The following EXOC3L2 variants were observed in gnomAD, a reference collection of about 807,000 sequenced individuals.
The protein encoded by EXOC3L2 is exocyst complex component 3 like 2, also known as exocyst complex component 3-like protein 2.
A neutral mutation model predicts 44.4 loss-of-function variants in EXOC3L2; 17 were observed. That is an observed-to-expected ratio of 0.38 (90% CI 0.26 to 0.57). EXOC3L2 has a LOEUF of 0.57. Ranked by LOEUF, EXOC3L2 falls within the 20% of genes least tolerant of loss-of-function variation. EXOC3L2 has a pLI of 0.65. For synonymous variants in EXOC3L2, 256 were observed against 253.7 expected, an observed-to-expected ratio of 1.01 and a Z score of -0.09; for missense variants, 541 against 588.4, an observed-to-expected ratio of 0.92 and a Z score of 0.83.
At chr19:45,216,617 T>C (rs1449357771) in intron 10 of EXOC3L2, 1 of 154,096 alleles carries the variant, frequency 6.5e-6, no homozygotes, top group Non-Finnish European at 1.4e-5. Flanking sequence ...AAATAAAATG[T>C]AGCAGAAGAC....
At chr19:45,235,708 A>G (rs1043283932) in intron 2 of EXOC3L2, among the ~76,000 whole-genome samples, 54 of 152,266 alleles carry the variant, frequency 3.5e-4, no homozygotes, top group Middle Eastern at 3.4e-3. Flanking sequence ...TTTCCTGGCC[A>G]GCGCTATTTC....
At chr19:45,213,431 C>T in intron 11 of EXOC3L2, 74 bp from the exon 12 acceptor site, 2 of 1,556,718 alleles carry the variant, frequency 1.3e-6, no homozygotes, top group Non-Finnish European at 1.7e-6. Flanking sequence ...CCGTGGACCC[C>T]ACCTGACCCC....
intron 9 of EXOC3L2, 86 bp downstream of exon 9, chr19:45,218,111 C>A: frequency 7.1e-7 from 1 of 1,409,230 alleles, no homozygotes; most frequent in South Asian, 1.5e-5. Flanking sequence ...CCCAACCTCC[C>A]AATCTCCCCT....
At chr19:45,231,621 G>GATAGA in intron 4 of EXOC3L2, 142 bp downstream of exon 4, 1 of 646,508 alleles carries the variant, frequency 1.5e-6, no homozygotes, top group Admixed American at 2.9e-5. Flanking sequence ...TGTGTCTATG[G>GATAGA]CACATGGATA....
chr19:45,228,167 C>G lies in EXOC3L2; in HGVS notation c.1369G>C (p.Glu457Gln), dbSNP rs1326024340. ...CCCAGCCTCCCTCCACCTCCTACCT[C>G]ACACACATCCTGGGCCAGGCTGCTG... is the stretch of plus-strand genomic sequence containing the variant. ...QPSSLAQDVC[E>Q]LLEEHTERAP... Residue 457 changes from glutamate to glutamine, a missense_variant and splice_region_variant, in exon 5 of 12, where the codon GAG becomes CAG. Glu to Gln is a conservative substitution (Grantham distance 29). Transcript: ENST00000413988. The G allele has an allele frequency of 6.2e-7, 1 of 1,614,114 alleles. No homozygotes were observed. Among genetic ancestry groups the G allele is most frequent in the African/African-American group, 1.3e-5 (1 of 75,036 alleles).
chr19:45,242,614 C>A lies in EXOC3L2; in HGVS notation c.-17+2727G>T, dbSNP rs143931672. Reference sequence around the variant, plus strand: ...CAGTGGCTCACGCCTATAATCCCAGCACTTTGGGAGGCCGAGGAGGGAGGA... The same window carrying A: ...CAGTGGCTCACGCCTATAATCCCAGAACTTTGGGAGGCCGAGGAGGGAGGA... On this transcript the variant is annotated intron_variant, in intron 1 of 11. Coordinates refer to ENST00000413988, the MANE Select transcript of EXOC3L2 (RefSeq NM_001382422.1). Among the ~76,000 whole-genome samples the A allele has an allele frequency of 5.1e-3, 777 of 152,090 alleles. 5 individuals are homozygous for A. Among genetic ancestry groups the A allele is most frequent in the African/African-American group, 0.018 (739 of 41,502 alleles).
intron 1 of EXOC3L2, among the ~76,000 whole-genome samples, chr19:45,239,669 C>T (rs544649139): frequency 1.1e-4 from 17 of 151,882 alleles, no homozygotes; most frequent in South Asian, 8.3e-4. Flanking sequence ...TACAGGCGCG[C>T]GCCACCACAC....
At chr19:45,231,080 C>T (rs1051950685) in intron 4 of EXOC3L2, among the ~76,000 whole-genome samples, 1 of 151,878 alleles carries the variant, frequency 6.6e-6, no homozygotes, top group African/African-American at 2.4e-5. Flanking sequence ...AAGAGGGAGA[C>T]ATCTGTAATT....
chr19:45,231,309 A>G (rs988003620), intron 4 of EXOC3L2, among the ~76,000 whole-genome samples: 1 of 151,934 alleles, frequency 6.6e-6, no homozygotes, highest in Non-Finnish European at 1.5e-5. Context: ...CATGTTTATT[A>G]CCAGCCCTGC....
intron 4 of EXOC3L2, among the ~76,000 whole-genome samples, chr19:45,230,683 A>G (rs1056420742): frequency 6.6e-6 from 1 of 151,796 alleles, no homozygotes; most frequent in East Asian, 1.9e-4. Flanking sequence ...TGGTCCCAAG[A>G]CTCTGCTCTC....
Position 45,234,063 on chromosome 19 carries a change from T to G in EXOC3L2, c.1157+130A>C. The G allele has an allele frequency of 2.7e-6, 1 of 371,496 alleles. No homozygotes were observed. The highest frequency in any genetic ancestry group is 4.8e-6 in the Non-Finnish European group (1 of 208,734). 23.0% of individuals were successfully genotyped at this position (371,496 alleles called of 1,614,324 possible). ...ACTGTCAGCGGTGCTGACGACTGGA[T>G]GGGTTAATGGTGTTAAAGTGCTAGG... On this transcript the variant is annotated intron_variant, in intron 3 of 11. Coordinates refer to ENST00000413988, the MANE Select transcript of EXOC3L2 (RefSeq NM_001382422.1). This position sits in a 1 kb window ranked among gnomAD's most constrained non-coding sequence, Gnocchi z 5.0.
chr19:45,219,088 C>CTGTAGTTCCA (rs534377133), intron 8 of EXOC3L2, among the ~76,000 whole-genome samples: 10 of 152,174 alleles, frequency 6.6e-5, no homozygotes, highest in African/African-American at 2.4e-4. Context: ...TGGCGTGCAA[C>CTGTAGTTCCA]TGTAGTTCCA....
intron 8 of EXOC3L2, 71 bp from the exon 9 acceptor site, chr19:45,218,390 C>T: frequency 6.9e-7 from 1 of 1,456,044 alleles, no homozygotes; most frequent in Non-Finnish European, 9.1e-7. Flanking sequence ...GAATAAGTTC[C>T]TGCAACCCTG....
At chr19:45,223,441 C>T (rs1599762596) in intron 8 of EXOC3L2, among the ~76,000 whole-genome samples, 1 of 152,032 alleles carries the variant, frequency 6.6e-6, no homozygotes, top group African/African-American at 2.4e-5. Flanking sequence ...CCCCTGGGTA[C>T]AGGCAATTCT....
chr19:45,236,938 G>A, intron 2 of EXOC3L2, among the ~76,000 whole-genome samples: 1 of 151,780 alleles, frequency 6.6e-6, no homozygotes, highest in East Asian at 1.9e-4. Context: ...CCAGGAAGCG[G>A]AGGTTGCAGT....
At chr19:45,231,195 G>A (rs1024811386) in intron 4 of EXOC3L2, among the ~76,000 whole-genome samples, 1 of 152,198 alleles carries the variant, frequency 6.6e-6, no homozygotes, top group Non-Finnish European at 1.5e-5. Flanking sequence ...TCTGTGGCTG[G>A]AAGTAGGACT....
chr19:45,224,512 G>T (rs1327787048), intron 8 of EXOC3L2, among the ~76,000 whole-genome samples: 1 of 152,068 alleles, frequency 6.6e-6, no homozygotes, highest in Non-Finnish European at 1.5e-5. Context: ...GTCTAGGAGA[G>T]CCTGAGCAGG....
At chr19:45,230,020 A>C (rs1970013942) in intron 4 of EXOC3L2, among the ~76,000 whole-genome samples, 1 of 151,276 alleles carries the variant, frequency 6.6e-6, no homozygotes, top group Non-Finnish European at 1.5e-5. Flanking sequence ...AGTATTATTT[A>C]TATTAAATAT....
rs1404679052 is a variant in EXOC3L2 at position 45,234,935 on chromosome 19, A to G, written c.524-109T>C. On this transcript the variant is annotated intron_variant, in intron 2 of 11. Transcript: ENST00000413988. This position sits in a 1 kb window ranked among gnomAD's most constrained non-coding sequence, Gnocchi z 5.0. ...GGAGAGAGATGAGGGGAAAAGGGTT[A>G]CAGGAGGCGGGAAAGTGTGGGGGCA... 4 of 375,326 alleles carry G rather than the reference A, an allele frequency of 1.1e-5. No homozygotes were observed. The highest frequency in any genetic ancestry group is 1.4e-5 in the Non-Finnish European group (3 of 211,112). The allele number at this position is 375,326 out of a possible 1,614,324, so 23.2% of individuals were successfully genotyped here. A position where few individuals can be genotyped will look rare whatever the true frequency, so the allele number is the denominator to read the frequency against.
Sources: allele counts gnomAD v4.1 joint callset (sites outside exome capture counted in the v4.1 genomes callset), GRCh38; gene constraint gnomAD v4.1.1; non-coding constraint Gnocchi (gnomAD v3.1); transcripts MANE v1.5; gene names NCBI Gene and HGNC (gene_info 2026-07-23, HGNC 2026-07-21).